Variants in RAD52 observed in about 807,000 individuals in gnomAD.
RAD52 encodes DNA repair protein RAD52 homolog.
Under a neutral mutation model 55.5 loss-of-function variants are expected in RAD52, and 47 were observed. The observed-to-expected ratio is 0.85, with a 90% CI of 0.67 to 1.08. RAD52 has a LOEUF of 1.08. RAD52 is among the 50% of genes least tolerant of loss of function. The pLI is 0.00. For missense variants in RAD52, 468 were observed against 522.8 expected, an observed-to-expected ratio of 0.90 and a Z score of 1.02; for synonymous variants, 184 against 198.9, an observed-to-expected ratio of 0.92 and a Z score of 0.63.
intron 1 of RAD52, among the ~76,000 whole-genome samples, chr12:970,318 C>CAAAAAAAAAAAAAAAAAAAAAAAAAAA: frequency 1.5e-5 from 1 of 67,182 alleles, no homozygotes; most frequent in Non-Finnish European, 2.6e-5. Flanking sequence ...GACATCATCT[C>CAAAAAAAAAAAAAAAAAAAAAAAAAAA]AAAAAAAAAA....
At chr12:940,345 T>A (rs1383826260) in intron 1 of RAD52, among the ~76,000 whole-genome samples, 1 of 152,014 alleles carries the variant, frequency 6.6e-6, no homozygotes, top group Non-Finnish European at 1.5e-5. Context: ...ACGCCTGTAA[T>A]CCTAGCACTT....
intron 1 of RAD52, among the ~76,000 whole-genome samples, chr12:933,661 G>C (rs1592387792): frequency 1.3e-5 from 2 of 151,904 alleles, no homozygotes; most frequent in Non-Finnish European, 2.9e-5. Flanking sequence ...TTTACAATAA[G>C]AATATATTAC....
chr12:964,522 C>T (rs974266317), intron 1 of RAD52, among the ~76,000 whole-genome samples: 4 of 151,936 alleles, frequency 2.6e-5, no homozygotes, highest in East Asian at 3.8e-4. Context: ...GATCTGAGAT[C>T]GTGCCACTGC....
rs181926204 is a variant in RAD52 at position 946,108 on chromosome 12, G to A, written c.-19+3494C>T. Among the ~76,000 whole-genome samples the A allele has an allele frequency of 3.3e-3, 509 of 152,208 alleles. 2 individuals carry two copies. The highest frequency in any genetic ancestry group is 5.3e-3 in the Non-Finnish European group (358 of 68,020). ...TCTGCACTCCCACACTCAGCCATTA[G>A]AGAACTGCGGGGCCATACACTAATC... On this transcript the variant is annotated intron_variant, in intron 1 of 11. Coordinates refer to ENST00000358495, the MANE Select transcript of RAD52 (RefSeq NM_134424.4).
intron 1 of RAD52, among the ~76,000 whole-genome samples, chr12:981,292 C>T (rs1441554353): frequency 6.6e-6 from 1 of 152,104 alleles, no homozygotes; most frequent in Non-Finnish European, 1.5e-5. Flanking sequence ...AAGATTGTGC[C>T]ACTGCACTCC....
chr12:939,259 TC>T (rs1012769967), intron 1 of RAD52, among the ~76,000 whole-genome samples: 4 of 152,066 alleles, frequency 2.6e-5, no homozygotes, highest in African/African-American at 7.2e-5. Flanking sequence ...CTCGTGATCT[TC>T]CCACCTCAGC....
At chr12:982,656 CT>C (rs34866890) in intron 1 of RAD52, among the ~76,000 whole-genome samples, 11 of 86,430 alleles carry the variant, frequency 1.3e-4, no homozygotes, top group African/African-American at 3.9e-4. Context: ...ACAATCTAGA[CT>C]TTTTTTTTTT....
intron 1 of RAD52, among the ~76,000 whole-genome samples, chr12:940,051 G>C (rs1472358681): frequency 6.6e-6 from 1 of 151,798 alleles, no homozygotes; most frequent in Non-Finnish European, 1.5e-5. Flanking sequence ...CTCCAGCCTG[G>C]GTGACAGAAT....
At chr12:941,962 A>G (rs1957945049) in intron 1 of RAD52, among the ~76,000 whole-genome samples, 1 of 152,110 alleles carries the variant, frequency 6.6e-6, no homozygotes, top group African/African-American at 2.4e-5. Flanking sequence ...AAAGGCTTAA[A>G]TAAGAAGGAA....
At chr12:925,996 A>C (rs1022688360) in intron 6 of RAD52, among the ~76,000 whole-genome samples, 1 of 152,082 alleles carries the variant, frequency 6.6e-6, no homozygotes, top group Non-Finnish European at 1.5e-5. Flanking sequence ...TTTCTGGTTC[A>C]ATTCACTTCA....
intron 1 of RAD52, among the ~76,000 whole-genome samples, chr12:988,020 T>C (rs1467880723): frequency 1.3e-5 from 2 of 152,174 alleles, no homozygotes; most frequent in Admixed American, 1.3e-4. Flanking sequence ...TCACCCAGGC[T>C]GGGGTGCAGC....
chr12:921,175 G>T (rs1046034398), intron 7 of RAD52, among the ~76,000 whole-genome samples: 1 of 151,212 alleles, frequency 6.6e-6, no homozygotes, highest in African/African-American at 2.4e-5. Flanking sequence ...AAAAAAAAAA[G>T]ATCTCAAATC....
In RAD52 at chr12:912,589, CAG is replaced by C. The variant is rs1312191831; in HGVS notation, c.*800_*801del. On this transcript the variant is annotated 3_prime_UTR_variant, in exon 12 of 12. Coordinates refer to ENST00000358495, the MANE Select transcript of RAD52 (RefSeq NM_134424.4). ...CAAAAATGCCTTTTCTGGCCAGACA[CAG>C]TGGCTCACACCAGTAATCCCTGTAT... 5.5e-6 allele frequency: 1 copy of C among 181,024 alleles called. No homozygotes were observed. Among genetic ancestry groups the C allele is most frequent in the Non-Finnish European group, 1.2e-5 (1 of 84,902 alleles). The allele number at this position is 181,024 out of a possible 1,614,324, so 11.2% of individuals were successfully genotyped here.
intron 1 of RAD52, among the ~76,000 whole-genome samples, chr12:940,777 A>G (rs564276294): frequency 1.3e-5 from 2 of 152,288 alleles, no homozygotes; most frequent in African/African-American, 4.8e-5. Context: ...CTAGAAAAGA[A>G]TAGGAACTAC....
At chr12:942,034 T>C (rs987726485) in intron 1 of RAD52, among the ~76,000 whole-genome samples, 5 of 152,212 alleles carry the variant, frequency 3.3e-5, no homozygotes, top group African/African-American at 1.2e-4. Context: ...CTTTCCAAAT[T>C]GATCCATAGA....
intron 1 of RAD52, among the ~76,000 whole-genome samples, chr12:945,656 G>A (rs992534206): frequency 6.0e-5 from 9 of 150,882 alleles, no homozygotes; most frequent in African/African-American, 2.2e-4. Context: ...GGCTGGTCTC[G>A]AACTCCTGAC....
chr12:982,656 C>CTT (rs34866890), intron 1 of RAD52, among the ~76,000 whole-genome samples: 58,031 of 86,432 alleles, frequency 0.67, 22,429 homozygotes, highest in East Asian at 0.93. Context: ...ACAATCTAGA[C>CTT]TTTTTTTTTT....
At chr12:925,835 G>C (rs1304413675) in intron 6 of RAD52, among the ~76,000 whole-genome samples, 1 of 149,960 alleles carries the variant, frequency 6.7e-6, no homozygotes, top group African/African-American at 2.4e-5. Flanking sequence ...ACTGCAGAGA[G>C]TTTTTCTTTT....
intron 1 of RAD52, among the ~76,000 whole-genome samples, chr12:980,901 A>G (rs531618377): frequency 1.3e-5 from 2 of 152,318 alleles, no homozygotes; most frequent in Admixed American, 6.5e-5. Flanking sequence ...AATTCAATCC[A>G]TAATATTCTG....
Sources: allele counts gnomAD v4.1 joint callset (sites outside exome capture counted in the v4.1 genomes callset), GRCh38; gene constraint gnomAD v4.1.1; transcripts MANE v1.5; gene names NCBI Gene and HGNC (gene_info 2026-07-23, HGNC 2026-07-21).